Variants in MIGA1 observed in about 807,000 individuals in gnomAD.
The protein encoded by MIGA1 is mitoguardin 1, also known as family with sequence similarity 73, member A.
A neutral mutation model predicts 82.0 loss-of-function variants in MIGA1; 58 were observed. That is an observed-to-expected ratio of 0.71 (90% CI 0.57 to 0.88). The LOEUF is 0.88. Ranked by LOEUF, MIGA1 falls within the 40% of genes least tolerant of loss-of-function variation. The pLI is 0.00. For missense variants in MIGA1, 751 were observed against 749.1 expected (o/e 1.00, Z -0.03); for synonymous variants, 249 against 253.6 (o/e 0.98, Z 0.17).
At chr1:77,846,638 ATTTTATT>A (rs1161851600) in intron 8 of MIGA1, among the ~76,000 whole-genome samples, 48 of 150,890 alleles carry the variant, frequency 3.2e-4, no homozygotes, top group African/African-American at 1.2e-3. Flanking sequence ...CCAGCTGAAA[ATTTTATT>A]TTTTATAATT....
chr1:77,836,064 A>G (rs1169199293), intron 7 of MIGA1, among the ~76,000 whole-genome samples: 1 of 152,200 alleles, frequency 6.6e-6, no homozygotes, highest in Non-Finnish European at 1.5e-5. Flanking sequence ...GGCTCTCTAG[A>G]GATTTTCATG....
At chr1:77,784,987 G>GT (rs1480478265) in intron 2 of MIGA1, among the ~76,000 whole-genome samples, 1 of 152,130 alleles carries the variant, frequency 6.6e-6, no homozygotes, top group Non-Finnish European at 1.5e-5. Context: ...CCCACAACAC[G>GT]TGGGAATTCA....
At chr1:77,867,603 C>T (rs1180475115) in intron 14 of MIGA1, among the ~76,000 whole-genome samples, 1 of 152,202 alleles carries the variant, frequency 6.6e-6, no homozygotes, top group African/African-American at 2.4e-5. Flanking sequence ...GTTGGGATTA[C>T]AGGCGTGAGC....
intron 4 of MIGA1, among the ~76,000 whole-genome samples, chr1:77,805,357 T>C (rs1432104932): frequency 6.6e-6 from 1 of 151,636 alleles, no homozygotes; most frequent in African/African-American, 2.4e-5. Flanking sequence ...AAAAATGTAC[T>C]AAATTTTTAA....
chr1:77,794,868 CT>C (rs1001661255), intron 2 of MIGA1, among the ~76,000 whole-genome samples: 2 of 152,174 alleles, frequency 1.3e-5, no homozygotes, highest in African/African-American at 4.8e-5. Context: ...CACTTTTCCA[CT>C]TTTTCTCCTT....
chr1:77,827,123 T>C (rs997555040), intron 7 of MIGA1, among the ~76,000 whole-genome samples: 20 of 152,022 alleles, frequency 1.3e-4, no homozygotes, highest in African/African-American at 4.3e-4. Context: ...AGCCTTTTTT[T>C]TTTGAGATGG....
intron 5 of MIGA1, among the ~76,000 whole-genome samples, chr1:77,809,198 G>A (rs187158928): frequency 2.0e-4 from 31 of 152,230 alleles, no homozygotes; most frequent in Non-Finnish European, 3.8e-4. Context: ...AGACGCCACA[G>A]GGGGGTCTTT....
chr1:77,795,354 C>CT (rs1005397697), intron 2 of MIGA1, among the ~76,000 whole-genome samples: 182 of 140,072 alleles, frequency 1.3e-3, no homozygotes, highest in South Asian at 2.5e-3. Context: ...TTTTTCTTTT[C>CT]TTTTTTTTTT....
chr1:77,867,222 A>G (rs1304181783), intron 14 of MIGA1, among the ~76,000 whole-genome samples: 1 of 152,178 alleles, frequency 6.6e-6, no homozygotes, highest in Non-Finnish European at 1.5e-5. Flanking sequence ...ACTGGGTTCA[A>G]ATGCCACATA....
chr1:77,853,703 CA>C, intron 8 of MIGA1: 1 of 278,926 alleles, frequency 3.6e-6, no homozygotes, highest in Non-Finnish European at 6.9e-6. Flanking sequence ...CAAAAACAAA[CA>C]AACAACACAC....
chr1:77,845,882 A>C (rs1684818834), intron 8 of MIGA1, among the ~76,000 whole-genome samples: 1 of 151,994 alleles, frequency 6.6e-6, no homozygotes, highest in Admixed American at 6.6e-5. Flanking sequence ...CATTTGTGAA[A>C]GTGATTAACA....
rs191525642 is a variant in MIGA1, at chr1:77,815,100, C to T, written c.772-8C>T. ...AATTTGTTCTGTGTACTTTTTCTCT[C>T]CTTGTAGGATATTATTAGTACTGAA... On this transcript the variant is annotated splice_polypyrimidine_tract_variant and splice_region_variant and intron_variant, in intron 6 of 15. Transcript: ENST00000370791. The T allele has an allele frequency of 2.0e-6, 3 of 1,529,836 alleles. No individual in the cohort carries two copies. Among genetic ancestry groups the T allele is most frequent in the East Asian group, 4.7e-5 (2 of 42,712 alleles). The allele number at this position is 1,529,836 out of a possible 1,614,324, so 94.8% of individuals were successfully genotyped here.
intron 2 of MIGA1, among the ~76,000 whole-genome samples, chr1:77,798,364 A>G (rs1682743711): frequency 6.6e-6 from 1 of 152,174 alleles, no homozygotes; most frequent in African/African-American, 2.4e-5. Flanking sequence ...GATAATTTAT[A>G]AAGAAAAAGA....
intron 14 of MIGA1, among the ~76,000 whole-genome samples, chr1:77,868,845 T>A (rs1685776802): frequency 6.6e-6 from 1 of 152,186 alleles, no homozygotes; most frequent in South Asian, 2.1e-4. Context: ...ACTTTTCACA[T>A]GTTTAAAATG....
intron 2 of MIGA1, among the ~76,000 whole-genome samples, chr1:77,798,496 C>T (rs1245216125): frequency 1.3e-5 from 2 of 152,248 alleles, no homozygotes; most frequent in East Asian, 3.9e-4. Flanking sequence ...AAGGAGTTTC[C>T]CCTTATAAAA....
chr1:77,871,875 C>A (rs577000297), intron 14 of MIGA1, among the ~76,000 whole-genome samples: 2 of 151,994 alleles, frequency 1.3e-5, no homozygotes, highest in Non-Finnish European at 2.9e-5. Context: ...TTTTAAATAG[C>A]TAAAACTTTG....
chr1:77,805,696 AT>A (rs2101766181), intron 4 of MIGA1, among the ~76,000 whole-genome samples: 1 of 151,292 alleles, frequency 6.6e-6, no homozygotes, highest in Admixed American at 6.6e-5. Context: ...CACCTGGCTA[AT>A]TTTTGTATTT....
intron 2 of MIGA1, among the ~76,000 whole-genome samples, chr1:77,784,552 C>G (rs1167909834): frequency 6.6e-6 from 1 of 152,190 alleles, no homozygotes; most frequent in African/African-American, 2.4e-5. Context: ...GAGGAACTGC[C>G]ATACTGTTTT....
intron 5 of MIGA1, among the ~76,000 whole-genome samples, 168 bp from the exon 6 acceptor site, chr1:77,813,566 G>A (rs1264712801): frequency 6.6e-6 from 1 of 152,190 alleles, no homozygotes; most frequent in Non-Finnish European, 1.5e-5. Flanking sequence ...ACCATAGGCT[G>A]AGAATGTATT....
Sources: allele counts gnomAD v4.1 joint callset (sites outside exome capture counted in the v4.1 genomes callset), GRCh38; gene constraint gnomAD v4.1.1; transcripts MANE v1.5; gene names NCBI Gene and HGNC (gene_info 2026-07-23, HGNC 2026-07-21).